Variants in DNAH5 observed in about 807,000 individuals in gnomAD.
The protein encoded by DNAH5 is axonemal beta dynein heavy chain 5.
Under a neutral mutation model 518.2 loss-of-function variants are expected in DNAH5, and 372 were observed. The observed-to-expected ratio is 0.72, with a 90% CI of 0.66 to 0.78. DNAH5 has a LOEUF of 0.78. Among genes scored for constraint, DNAH5 ranks in the 30% least tolerant of loss-of-function variants. The probability of loss-of-function intolerance (pLI) is 0.00; values close to 1 mark genes in which losing one functional copy is unlikely to be tolerated. For synonymous variants in DNAH5, 2,039 were observed against 2,025.9 expected (o/e 1.01, Z -0.17); for missense variants, 5,523 against 5,687.0 (o/e 0.97, Z 0.93).
chr5:13,954,046 C>T (rs564908094), intron 1 of DNAH5, among the ~76,000 whole-genome samples: 2 of 152,218 alleles, frequency 1.3e-5, no homozygotes, highest in Non-Finnish European at 2.9e-5. Flanking sequence ...AGTAAAGACC[C>T]TAAAGGTCAA....
chr5:13,850,154 T>C (rs1766617792), intron 31 of DNAH5, among the ~76,000 whole-genome samples: 3 of 146,624 alleles, frequency 2.0e-5, no homozygotes, highest in African/African-American at 7.5e-5. Flanking sequence ...CATTATTTTA[T>C]TGTGATTAAC....
At chr5:13,937,269 C>T (rs1398097573) in intron 1 of DNAH5, among the ~76,000 whole-genome samples, 1 of 147,978 alleles carries the variant, frequency 6.8e-6, no homozygotes, top group Non-Finnish European at 1.5e-5. Flanking sequence ...ATCTAGTGTG[C>T]TCTAGCAGGA....
intron 12 of DNAH5, among the ~76,000 whole-genome samples, chr5:13,908,370 G>C (rs762639715): frequency 6.6e-6 from 1 of 152,018 alleles, no homozygotes; most frequent in African/African-American, 2.4e-5. Flanking sequence ...CCCTTCCACT[G>C]CCTCCCTCTC....
intron 17 of DNAH5, among the ~76,000 whole-genome samples, chr5:13,889,769 G>A (rs1417871533): frequency 6.6e-6 from 1 of 152,074 alleles, no homozygotes; most frequent in Non-Finnish European, 1.5e-5. Context: ...CTCACAGGAG[G>A]GAGACAGCAT....
intron 65 of DNAH5, among the ~76,000 whole-genome samples, chr5:13,741,107 G>A (rs1388933872): frequency 6.6e-6 from 1 of 152,180 alleles, no homozygotes; most frequent in African/African-American, 2.4e-5. Context: ...CTTTGTGCCA[G>A]AAATGCAGAT....
At chr5:13,995,362 T>G (rs1373089252) in intron 1 of DNAH5, among the ~76,000 whole-genome samples, 1 of 152,190 alleles carries the variant, frequency 6.6e-6, no homozygotes, top group Non-Finnish European at 1.5e-5. Context: ...TTTTCTTCCA[T>G]CCTTGTATCC....
chr5:13,992,606 T>C (rs1783634624), intron 1 of DNAH5, among the ~76,000 whole-genome samples: 1 of 152,248 alleles, frequency 6.6e-6, no homozygotes, highest in Non-Finnish European at 1.5e-5. Flanking sequence ...GAAACTCCAC[T>C]GCAAGAATAC....
In DNAH5 at chr5:13,809,059, A is replaced by C. The variant is rs1760152920; in HGVS notation, c.7737T>G (p.Ile2579Met). The change falls in exon 46 of 79, where the codon ATT (isoleucine) becomes ATG (methionine). Residue 2579 changes from isoleucine to methionine, a missense_variant. Transcript: ENST00000265104. ...NVRTDFLIQT[I>M]AKQGKAVLLI... ...AAAGTCATACCTTGCCCTGTTTAGC[A>C]ATGGTTTGAATTAGAAAGTCAGTCC... 9 of 1,614,118 alleles carry C rather than the reference A, an allele frequency of 5.6e-6. No individual in the cohort carries two copies. Among genetic ancestry groups the C allele is most frequent in the African/African-American group, 1.3e-5 (1 of 74,946 alleles).
intron 15 of DNAH5, among the ~76,000 whole-genome samples, chr5:13,895,525 G>A (rs548472891): frequency 1.1e-4 from 16 of 152,116 alleles, no homozygotes; most frequent in Non-Finnish European, 1.9e-4. Context: ...GGGACCTCTT[G>A]TAGACTACAC....
At chr5:13,945,122 G>A (rs915835628), upstream of DNAH5, among the ~76,000 whole-genome samples, 9 of 152,186 alleles carry the variant, frequency 5.9e-5, no homozygotes, top group African/African-American at 2.2e-4. Context: ...AATTACTTGT[G>A]CTCACACAGT....
chr5:13,889,939 T>G (rs1426022591), intron 17 of DNAH5, among the ~76,000 whole-genome samples: 4 of 152,146 alleles, frequency 2.6e-5, no homozygotes, highest in Admixed American at 1.3e-4. Flanking sequence ...CATATTAAAA[T>G]CATGATCAAG....
At chr5:13,921,473 T>TCACACA (rs1366178016) in intron 5 of DNAH5, among the ~76,000 whole-genome samples, 4 of 57,748 alleles carry the variant, frequency 6.9e-5, no homozygotes, top group African/African-American at 2.6e-4. Context: ...TCTATCTCTC[T>TCACACA]CTCACACACA....
At chr5:13,853,892 T>C (rs948541241) in intron 30 of DNAH5, among the ~76,000 whole-genome samples, 13 of 152,070 alleles carry the variant, frequency 8.5e-5, no homozygotes, top group Non-Finnish European at 1.3e-4. Flanking sequence ...CAAACCTACA[T>C]TTGATCGATG....
At chr5:13,984,793 G>C (rs924478784) in intron 1 of DNAH5, among the ~76,000 whole-genome samples, 5 of 152,130 alleles carry the variant, frequency 3.3e-5, no homozygotes, top group Non-Finnish European at 5.9e-5. Flanking sequence ...TAATCATGTG[G>C]TTTTTGTCTT....
At chr5:13,766,232 G>A in intron 58 of DNAH5, 53 bp from the exon 59 acceptor site, 1 of 1,587,104 alleles carries the variant, frequency 6.3e-7, no homozygotes, top group Non-Finnish European at 8.6e-7. Context: ...GCACAGACAA[G>A]CAAACCTTGC....
At chr5:13,888,056 CA>C (rs1772673538) in intron 17 of DNAH5, among the ~76,000 whole-genome samples, 1 of 152,206 alleles carries the variant, frequency 6.6e-6, no homozygotes, top group Non-Finnish European at 1.5e-5. Context: ...CAGCACAAAG[CA>C]AATGGAGGTC....
chr5:13,735,826 G>GC lies in DNAH5; in HGVS notation c.11561_11562insG (p.Ala3856SerfsTer15). On this transcript the variant is annotated frameshift_variant, in exon 67 of 79. Coordinates refer to ENST00000265104, the MANE Select transcript of DNAH5 (RefSeq NM_001369.3). LOFTEE classifies it high-confidence loss of function. ...CCCGCGTACAGACGTACCTGGCTAA[G>GC]GAAAGGTCAAATAAGCCCAGAAACT... 1 of 1,613,878 alleles carries GC rather than the reference G, an allele frequency of 6.2e-7. No individual in the cohort carries two copies. The highest frequency in any genetic ancestry group is 8.5e-7 in the Non-Finnish European group (1 of 1,179,782).
At position 13,735,227 on chromosome 5, in the gene DNAH5, C is replaced by T. The variant is rs1263116606; in HGVS notation, c.11665G>A (p.Glu3889Lys). Reference sequence around the variant, plus strand: ...AAGGTGAACAGGAATTTGTGCTCCTCGTACAGCCCTCGGGCAGCATACTTA... The same window carrying T: ...AAGGTGAACAGGAATTTGTGCTCCTTGTACAGCCCTCGGGCAGCATACTTA... The part of the protein sequence containing the change: ...VYKYAARGLY[E>K]EHKFLFTLLL... Residue 3889 changes from glutamate (E) to lysine (K), a missense_variant, in exon 68 of 79, where the codon GAG (glutamate) becomes AAG (lysine). By Grantham distance (56) the Glu-to-Lys change is moderately conservative. This residue lies in a region of DNAH5 where 5,121 missense variants were observed against 5,223.3 expected (regional missense o/e 0.98). Transcript: ENST00000265104. The T allele has an allele frequency of 1.2e-5, 20 of 1,614,084 alleles. No homozygotes were observed. The highest frequency in any genetic ancestry group is 2.2e-5 in the East Asian group (1 of 44,856).
chr5:13,987,910 T>C (rs1283253658), intron 1 of DNAH5, among the ~76,000 whole-genome samples: 1 of 148,812 alleles, frequency 6.7e-6, no homozygotes, highest in Non-Finnish European at 1.5e-5. Context: ...TTCAAATGTC[T>C]ACTTTTGCCT....
Sources: gnomAD v4.1 joint callset for allele counts (sites outside exome capture counted in the v4.1 genomes callset) on GRCh38, gnomAD v4.1.1 for gene constraint, gnomAD v4.1.1 regional missense constraint, MANE v1.5 for transcripts, NCBI Gene and HGNC (gene_info 2026-07-23, HGNC 2026-07-21) for gene names.